The following XG variants were observed in gnomAD, a reference collection of about 807,000 sequenced individuals.
XG encodes Xg glycoprotein (Xg blood group).
In XG, 24 loss-of-function variants were observed where a neutral mutation model predicts 25.7. That is an observed-to-expected ratio of 0.93 (90% CI 0.68 to 1.31). XG has a LOEUF of 1.31. XG is among the 40% of genes most tolerant of loss of function. The pLI is 0.00. For synonymous variants in XG, 77 were observed against 69.2 expected, an observed-to-expected ratio of 1.11 and a Z score of -0.56; for missense variants, 181 against 187.6, an observed-to-expected ratio of 0.96 and a Z score of 0.21.
intron 3 of XG, among the ~76,000 whole-genome samples, chrX:2,778,561 GAAGA>G (rs1381784012): frequency 2.0e-5 from 3 of 151,940 alleles, no homozygotes; most frequent in Non-Finnish European, 4.4e-5. Flanking sequence ...GAAAAAAAAA[GAAGA>G]AAGAAATGAA....
chrX:2,808,899 C>G (rs1166564147), intron 9 of XG, among the ~76,000 whole-genome samples: 2 of 111,611 alleles, frequency 1.8e-5, no homozygotes, highest in African/African-American at 3.3e-5. Context: ...TGTTGGCATC[C>G]TTAGAAAAAT....
intron 1 of XG, among the ~76,000 whole-genome samples, chrX:2,766,418 C>G (rs1478886298): frequency 4.0e-5 from 6 of 149,856 alleles, no homozygotes; most frequent in Non-Finnish European, 7.4e-5. Context: ...GGATTACAGG[C>G]GTGAGCCACC....
Position 2,794,732 on chromosome X carries a change from T to G in XG, c.322+129T>G, listed in dbSNP as rs773411843. The G allele has an allele frequency of 3.7e-5, 28 of 765,183 alleles. No individual in the cohort carries two copies. The South Asian group carries it at 6.7e-4, about 18-fold the overall frequency. The allele number at this position is 765,183 out of a possible 1,213,427, so 63.1% of individuals were successfully genotyped here. A position where few individuals can be genotyped will look rare whatever the true frequency, so the allele number is the denominator to read the frequency against. ...TGGTGACGAGCAGACGATAAGCTGG[T>G]GCAGGGGATGACAGAGAAGGCCCCA... On this transcript the variant is annotated intron_variant, in intron 6 of 10. Transcript: ENST00000644266.
intron 7 of XG, among the ~76,000 whole-genome samples, chrX:2,802,845 A>C (rs754435727): frequency 1.9e-4 from 21 of 110,795 alleles, no homozygotes; most frequent in Middle Eastern, 4.6e-3. Flanking sequence ...CTAATTTGTT[A>C]GTCTTTCAAA....
intron 1 of XG, among the ~76,000 whole-genome samples, chrX:2,768,348 T>C (rs1324064372): frequency 6.6e-6 from 1 of 152,188 alleles, no homozygotes; most frequent in East Asian, 1.9e-4. Flanking sequence ...AACTTTGGCG[T>C]CCTGGACAGG....
intron 2 of XG, among the ~76,000 whole-genome samples, chrX:2,773,569 AG>A (rs2050890601): frequency 3.5e-5 from 2 of 57,402 alleles, no homozygotes; most frequent in African/African-American, 1.4e-4. Flanking sequence ...GAAGGAGAGA[AG>A]GAAGGAAGGA....
At chrX:2,802,201 C>A (rs957439411) in intron 7 of XG, among the ~76,000 whole-genome samples, 36 of 110,871 alleles carry the variant, frequency 3.2e-4, no homozygotes, top group African/African-American at 1.2e-3. Context: ...GTTACCCAGG[C>A]TGGACTGCAG....
At chrX:2,773,028 T>C (rs761497289) in intron 2 of XG, among the ~76,000 whole-genome samples, 3 of 125,950 alleles carry the variant, frequency 2.4e-5, no homozygotes, top group Admixed American at 2.0e-4. Flanking sequence ...AAAATAGTTA[T>C]AATTTTACAT....
At chrX:2,768,952 CT>C (rs1285868843) in intron 1 of XG, among the ~76,000 whole-genome samples, 1 of 152,148 alleles carries the variant, frequency 6.6e-6, no homozygotes, top group African/African-American at 2.4e-5. Flanking sequence ...GGGATTTGAC[CT>C]GTGATGGCAC....
chrX:2,770,461 A>G (rs2050793163), intron 1 of XG, 89 bp from the exon 2 acceptor site: 1 of 1,509,834 alleles, frequency 6.6e-7, no homozygotes, highest in Non-Finnish European at 9.2e-7. Flanking sequence ...CTAGGCTTGC[A>G]GGAGGAGGGG....
At chrX:2,757,897 A>G (rs939619984) in intron 1 of XG, among the ~76,000 whole-genome samples, 9 of 145,138 alleles carry the variant, frequency 6.2e-5, no homozygotes, top group African/African-American at 1.3e-4. Flanking sequence ...GCTTGAACCC[A>G]GGAGGCGGAG....
intron 3 of XG, among the ~76,000 whole-genome samples, chrX:2,777,395 G>C (rs564773291): frequency 2.4e-4 from 37 of 151,898 alleles, no homozygotes; most frequent in Admixed American, 4.6e-4. Context: ...GAAGAATGAA[G>C]AATAAAATTA....
chrX:2,774,833 G>A (rs2050940172), intron 3 of XG, 94 bp downstream of exon 3: 3 of 1,498,048 alleles, frequency 2.0e-6, no homozygotes, highest in East Asian at 2.3e-5. Context: ...GAACTGTGGG[G>A]TATATGAAAG....
In XG at chrX:2,814,753, T is replaced by C. The variant is rs2087089634; in HGVS notation, c.*373T>C. On this transcript the variant is annotated 3_prime_UTR_variant, in exon 11 of 11. Coordinates refer to ENST00000644266, the MANE Select transcript of XG (RefSeq NM_001141919.2). ...AGCGGTGAGCAGTAGGGAGGTAGAA[T>C]ATCTTGGTGGGGAGGGGATGTTATC... 1 of 143,396 alleles carries C rather than the reference T, an allele frequency of 7.0e-6. No homozygotes were observed. Among genetic ancestry groups the C allele is most frequent in the Non-Finnish European group, 1.3e-5 (1 of 74,612 alleles). 11.8% of individuals were successfully genotyped at this position (143,396 alleles called of 1,213,427 possible). A position where few individuals can be genotyped will look rare whatever the true frequency, so the allele number is the denominator to read the frequency against.
intron 1 of XG, among the ~76,000 whole-genome samples, chrX:2,752,630 T>TGTTTA (rs1487331468): frequency 6.6e-6 from 1 of 152,180 alleles, no homozygotes; most frequent in Non-Finnish European, 1.5e-5. Flanking sequence ...AAAAATGACC[T>TGTTTA]ATTTAACTCC....
At chrX:2,757,171 C>T (rs1011071525) in intron 1 of XG, among the ~76,000 whole-genome samples, 3 of 151,998 alleles carry the variant, frequency 2.0e-5, no homozygotes, top group African/African-American at 7.2e-5. Context: ...CAGCTGAACA[C>T]CTCTCAGTGT....
At chrX:2,782,943 G>A (rs1459565448) in intron 4 of XG, among the ~76,000 whole-genome samples, 1 of 111,744 alleles carries the variant, frequency 8.9e-6, no homozygotes, top group Non-Finnish European at 1.9e-5. Context: ...AACTGAATTC[G>A]TTCCCAAGGC....
At chrX:2,763,811 T>C (rs1483810593) in intron 1 of XG, among the ~76,000 whole-genome samples, 2 of 152,284 alleles carry the variant, frequency 1.3e-5, no homozygotes, top group South Asian at 2.1e-4. Context: ...TAGCTCGGAA[T>C]AAACGCCTCA....
chrX:2,793,070 T>G (rs1202763470), intron 5 of XG, among the ~76,000 whole-genome samples: 2 of 109,709 alleles, frequency 1.8e-5, no homozygotes, highest in African/African-American at 6.6e-5. Context: ...CAGATAATTT[T>G]TTGTATTTTT....
Sources: allele counts gnomAD v4.1 joint callset (sites outside exome capture counted in the v4.1 genomes callset), GRCh38; gene constraint gnomAD v4.1.1; transcripts MANE v1.5; gene names NCBI Gene and HGNC (gene_info 2026-07-23, HGNC 2026-07-21).